HCN1: variants seen among roughly 807,000 people sequenced by gnomAD.
HCN1 encodes hyperpolarization activated cyclic nucleotide gated potassium channel 1, also known as potassium/sodium hyperpolarization-activated cyclic nucleotide-gated channel 1.
In HCN1, 13 loss-of-function variants were observed where a neutral mutation model predicts 78.9. The ratio of observed to expected loss-of-function variants is 0.16; its 90% confidence interval spans 0.11 to 0.26. The LOEUF (loss-of-function observed/expected upper bound fraction) is 0.26, where lower values mean the gene tolerates loss of function less well. Ranked by LOEUF, HCN1 falls within the 10% of genes least tolerant of loss-of-function variation. The probability of loss-of-function intolerance (pLI) is 1.00; values close to 1 mark genes in which losing one functional copy is unlikely to be tolerated. For synonymous variants in HCN1, 552 were observed against 455.5 expected, an observed-to-expected ratio of 1.21 and a Z score of -2.70; for missense variants, 810 against 1,154.3, an observed-to-expected ratio of 0.70 and a Z score of 4.32.
chr5:45,494,317 A>C (rs1227571180), intron 2 of HCN1, among the ~76,000 whole-genome samples: 5 of 152,128 alleles, frequency 3.3e-5, no homozygotes, highest in Admixed American at 6.5e-5. Flanking sequence ...ATGGTATCTC[A>C]CTGTGGTTTT....
intron 5 of HCN1, among the ~76,000 whole-genome samples, chr5:45,312,729 T>C (rs926049421): frequency 6.6e-6 from 1 of 152,216 alleles, no homozygotes; most frequent in African/African-American, 2.4e-5. Flanking sequence ...ATCCCGCACC[T>C]GGCTCAGGGG....
At chr5:45,344,402 C>A (rs1746653630) in intron 5 of HCN1, among the ~76,000 whole-genome samples, 2 of 152,060 alleles carry the variant, frequency 1.3e-5, no homozygotes, top group South Asian at 4.1e-4. Context: ...AATTCCTTCC[C>A]AACAGTCCCC....
intron 3 of HCN1, among the ~76,000 whole-genome samples, chr5:45,446,236 A>G (rs1740791618): frequency 6.6e-6 from 1 of 152,248 alleles, no homozygotes; most frequent in South Asian, 2.1e-4. Context: ...AACTATGTGA[A>G]GAATGCAGAA....
intron 5 of HCN1, among the ~76,000 whole-genome samples, chr5:45,321,101 C>T (rs1165622776): frequency 6.6e-6 from 1 of 151,708 alleles, no homozygotes; most frequent in Admixed American, 6.6e-5. Context: ...AATGACTGCC[C>T]TTTATACCTT....
chr5:45,460,977 C>T (rs1160265071), intron 3 of HCN1, among the ~76,000 whole-genome samples: 3 of 151,272 alleles, frequency 2.0e-5, no homozygotes, highest in East Asian at 3.9e-4. Context: ...AATTAAAGTA[C>T]CATAAAATGT....
At chr5:45,605,904 G>C (rs943314240) in intron 2 of HCN1, among the ~76,000 whole-genome samples, 7 of 151,952 alleles carry the variant, frequency 4.6e-5, no homozygotes, top group African/African-American at 1.7e-4. Flanking sequence ...TAAAGAAAGA[G>C]CTAAATTAAC....
chr5:45,417,807 T>C (rs1740147980), intron 3 of HCN1, among the ~76,000 whole-genome samples: 1 of 140,748 alleles, frequency 7.1e-6, no homozygotes, highest in Admixed American at 7.1e-5. Flanking sequence ...TATGACTTCA[T>C]GGTGGAAAAT....
intron 3 of HCN1, 61 bp downstream of exon 3, chr5:45,461,785 A>T: frequency 1.5e-6 from 2 of 1,360,654 alleles, no homozygotes; most frequent in South Asian, 1.2e-5. Flanking sequence ...TAACATAATT[A>T]CTTAAAAGGT....
At chr5:45,354,943 A>G (rs1746980283) in intron 4 of HCN1, among the ~76,000 whole-genome samples, 2 of 151,996 alleles carry the variant, frequency 1.3e-5, no homozygotes, top group Admixed American at 1.3e-4. Flanking sequence ...GTATGCAAAG[A>G]CCTACTAATC....
intron 2 of HCN1, among the ~76,000 whole-genome samples, chr5:45,557,482 A>T (rs1182132044): frequency 6.6e-6 from 1 of 152,080 alleles, no homozygotes; most frequent in Admixed American, 6.6e-5. Flanking sequence ...ATTGCTCCTA[A>T]GTAAAGAATA....
At chr5:45,369,718 A>G (rs1470994219) in intron 4 of HCN1, among the ~76,000 whole-genome samples, 1 of 152,114 alleles carries the variant, frequency 6.6e-6, no homozygotes. Flanking sequence ...ATATACCCCA[A>G]AACACTCCAG....
At chr5:45,681,353 T>C (rs952924240) in intron 1 of HCN1, among the ~76,000 whole-genome samples, 5 of 152,170 alleles carry the variant, frequency 3.3e-5, no homozygotes, top group African/African-American at 9.6e-5. Context: ...CTGTCTTTTA[T>C]ATGCAAAAAC....
chr5:45,555,087 G>C (rs1212223484), intron 2 of HCN1, among the ~76,000 whole-genome samples: 1 of 151,800 alleles, frequency 6.6e-6, no homozygotes, highest in Non-Finnish European at 1.5e-5. Flanking sequence ...ATCCAGATTG[G>C]AAAGGAAGAA....
chr5:45,524,864 A>G (rs1006151137), intron 2 of HCN1, among the ~76,000 whole-genome samples: 18 of 152,184 alleles, frequency 1.2e-4, no homozygotes, highest in Non-Finnish European at 2.1e-4. Context: ...TCTCCTGTCC[A>G]ATTGCCCTGG....
rs113199590 is a variant in HCN1 at position 45,348,472 on chromosome 5, A to C, written c.1377+4628T>G. On this transcript the variant is annotated intron_variant, in intron 5 of 7. Coordinates refer to ENST00000303230, the MANE Select transcript of HCN1 (RefSeq NM_021072.4). Reference sequence around the variant, plus strand: ...AACTGCATCAACTAACAAGCAAAATAACCAGCTAACATCATAATGACAGGA... The same window carrying C: ...AACTGCATCAACTAACAAGCAAAATCACCAGCTAACATCATAATGACAGGA... Among the ~76,000 whole-genome samples, 200 of 152,304 alleles carry C rather than the reference A, an allele frequency of 1.3e-3. 2 individuals carry two copies. Among genetic ancestry groups the C allele is most frequent in the African/African-American group, 4.7e-3 (194 of 41,576 alleles).
At chr5:45,376,626 T>A (rs1399089897) in intron 4 of HCN1, among the ~76,000 whole-genome samples, 1 of 151,844 alleles carries the variant, frequency 6.6e-6, no homozygotes, top group Admixed American at 6.6e-5. Context: ...AAAGAATGTT[T>A]AATAGTCCCA....
At chr5:45,476,045 T>G (rs188369252) in intron 2 of HCN1, among the ~76,000 whole-genome samples, 11 of 152,248 alleles carry the variant, frequency 7.2e-5, no homozygotes, top group African/African-American at 2.4e-4. Context: ...AAATCATAGG[T>G]GAGAGTAGCT....
At chr5:45,482,028 A>G (rs1741664763) in intron 2 of HCN1, among the ~76,000 whole-genome samples, 1 of 152,214 alleles carries the variant, frequency 6.6e-6, no homozygotes, top group Non-Finnish European at 1.5e-5. Context: ...TCAGTAAATG[A>G]TCTTGGTGAG....
At chr5:45,393,944 AG>A (rs943783703) in intron 4 of HCN1, among the ~76,000 whole-genome samples, 1 of 152,172 alleles carries the variant, frequency 6.6e-6, no homozygotes. Context: ...TATAGAGATC[AG>A]GGGGTAAGGT....
Sources: gnomAD v4.1 joint callset for allele counts (sites outside exome capture counted in the v4.1 genomes callset) on GRCh38, gnomAD v4.1.1 for gene constraint, MANE v1.5 for transcripts, NCBI Gene and HGNC (gene_info 2026-07-23, HGNC 2026-07-21) for gene names.